The following CACNA2D4 variants were observed in gnomAD, a reference collection of about 807,000 sequenced individuals.
CACNA2D4 encodes the protein calcium voltage-gated channel auxiliary subunit alpha2delta 4, also known as voltage-dependent calcium channel subunit alpha-2/delta-4.
CACNA2D4 carries 157 observed loss-of-function variants against 163.8 expected under a neutral mutation model. The ratio of observed to expected loss-of-function variants is 0.96; its 90% confidence interval spans 0.84 to 1.09. The LOEUF is 1.09. Ranked by LOEUF, CACNA2D4 falls within the 50% of genes least tolerant of loss-of-function variation. The probability of loss-of-function intolerance (pLI) is 0.00; values close to 1 mark genes in which losing one functional copy is unlikely to be tolerated. For synonymous variants in CACNA2D4, 598 were observed against 586.9 expected (o/e 1.02, Z -0.27); for missense variants, 1,410 against 1,479.9 (o/e 0.95, Z 0.78).
At chr12:1,872,502 C>T (rs548478962) in intron 18 of CACNA2D4, among the ~76,000 whole-genome samples, 5 of 152,298 alleles carry the variant, frequency 3.3e-5, no homozygotes, top group African/African-American at 7.2e-5. Context: ...GACCTGGAGA[C>T]GGTTTCTACT....
chr12:1,893,907 G>A (rs1866343815), intron 6 of CACNA2D4, among the ~76,000 whole-genome samples: 1 of 151,878 alleles, frequency 6.6e-6, no homozygotes, highest in Non-Finnish European at 1.5e-5. Flanking sequence ...AAGAAATACT[G>A]GAACAGAAAC....
intron 26 of CACNA2D4, among the ~76,000 whole-genome samples, chr12:1,812,315 C>T (rs764821458): frequency 4.6e-5 from 7 of 152,190 alleles, no homozygotes; most frequent in Non-Finnish European, 8.8e-5. Flanking sequence ...CAGGAAACTA[C>T]AGGCACCACC....
chr12:1,810,762 G>A (rs1233517367), intron 27 of CACNA2D4, among the ~76,000 whole-genome samples, 175 bp from the exon 28 acceptor site: 3 of 152,060 alleles, frequency 2.0e-5, no homozygotes, highest in East Asian at 1.9e-4. Flanking sequence ...TGTGTGTGTC[G>A]TATGTGGAGA....
chr12:1,839,781 G>T (rs758166), intron 26 of CACNA2D4, among the ~76,000 whole-genome samples: 10,736 of 151,898 alleles, frequency 0.071, 888 homozygotes, highest in East Asian at 0.39. Flanking sequence ...GACGGAGCAG[G>T]TAAGGGAATG....
In CACNA2D4 at chr12:1,793,572, A is replaced by T; in HGVS notation, c.*83T>A. 2 of 1,237,390 alleles carry T rather than the reference A, an allele frequency of 1.6e-6. No individual in the cohort carries two copies. Among genetic ancestry groups the T allele is most frequent in the Non-Finnish European group, 1.2e-6 (1 of 842,436 alleles). 76.7% of individuals were successfully genotyped at this position (1,237,390 alleles called of 1,614,324 possible). On this transcript the variant is annotated 3_prime_UTR_variant, in exon 38 of 38. Transcript: ENST00000382722. ...GCCTGGGGGCGACCCAACTGCAGTT[A>T]GCTGCATCCCATGTCAGTGCTGACT...
At chr12:1,831,476 C>T in intron 26 of CACNA2D4, 1 of 1,613,990 alleles carries the variant, frequency 6.2e-7, no homozygotes, top group Non-Finnish European at 8.5e-7. Flanking sequence ...GGGAGTGTGA[C>T]TGTAACCTGC....
At chr12:1,854,095 G>A in intron 22 of CACNA2D4, 51 bp from the exon 23 acceptor site, 1 of 1,343,082 alleles carries the variant, frequency 7.4e-7, no homozygotes, top group Non-Finnish European at 1.0e-6. Flanking sequence ...CCATGCTCAT[G>A]AACACAACTC....
intron 6 of CACNA2D4, among the ~76,000 whole-genome samples, chr12:1,900,725 T>C (rs1592744691): frequency 6.6e-6 from 1 of 152,242 alleles, no homozygotes; most frequent in Non-Finnish European, 1.5e-5. Flanking sequence ...TAGAGCTAAA[T>C]AGAGAGATGG....
chr12:1,914,675 C>A (rs965988324), intron 2 of CACNA2D4, among the ~76,000 whole-genome samples, 179 bp downstream of exon 2: 3 of 152,210 alleles, frequency 2.0e-5, no homozygotes, highest in African/African-American at 7.2e-5. Flanking sequence ...CCGAACCACC[C>A]CCACTGCCCT....
chr12:1,811,779 A>T, intron 26 of CACNA2D4, 56 bp from the exon 27 acceptor site: 1 of 1,519,488 alleles, frequency 6.6e-7, no homozygotes, highest in Non-Finnish European at 8.9e-7. Flanking sequence ...AGAGAAAAAA[A>T]TAGAGTCAAG....
rs998782494 is a variant in CACNA2D4 at position 1,879,718 on chromosome 12, C to T, written c.1563+86G>A. The T allele has an allele frequency of 1.6e-5, 18 of 1,151,902 alleles. No individual in the cohort carries two copies. The Admixed American group carries it at 3.6e-4, about 23-fold the overall frequency. 71.4% of individuals were successfully genotyped at this position (1,151,902 alleles called of 1,614,324 possible). ...CTCCCAAGGTGGCTCAGAGGCACAGCCAAGTCAAGAATCACTGGTCTAAAG... is the reference window on the plus strand; with the variant it reads ...CTCCCAAGGTGGCTCAGAGGCACAGTCAAGTCAAGAATCACTGGTCTAAAG... On this transcript the variant is annotated intron_variant, in intron 14 of 37. Transcript: ENST00000382722.
chr12:1,795,857 A>G (rs1280259545), intron 35 of CACNA2D4, 77 bp from the exon 36 acceptor site: 2 of 953,176 alleles, frequency 2.1e-6, no homozygotes, highest in Admixed American at 3.4e-5. Context: ...ACTTCTGGAG[A>G]CTTTAGTGTG....
chr12:1,801,542 A>G (rs1488203231), intron 30 of CACNA2D4, 32 bp downstream of exon 30: 2 of 1,522,880 alleles, frequency 1.3e-6, no homozygotes, highest in Non-Finnish European at 1.8e-6. Flanking sequence ...TGCTGTGTCT[A>G]TTTGGACTGG....
At chr12:1,795,908 C>G (rs1863109274) in intron 35 of CACNA2D4, 128 bp from the exon 36 acceptor site, 2 of 693,412 alleles carry the variant, frequency 2.9e-6, no homozygotes, top group Admixed American at 2.2e-5. Context: ...TGAGGCAGGG[C>G]GGGTCGGGGC....
At chr12:1,894,046 A>G (rs1866346478) in intron 6 of CACNA2D4, among the ~76,000 whole-genome samples, 1 of 152,190 alleles carries the variant, frequency 6.6e-6, no homozygotes, top group Non-Finnish European at 1.5e-5. Context: ...AATGAACAAA[A>G]TCAGAAATGA....
intron 19 of CACNA2D4, among the ~76,000 whole-genome samples, chr12:1,859,593 T>C (rs1865478189): frequency 6.6e-6 from 1 of 152,250 alleles, no homozygotes; most frequent in African/African-American, 2.4e-5. Context: ...CTTAACTGGA[T>C]GATATCACTT....
At chr12:1,841,529 T>C (rs534090230) in intron 25 of CACNA2D4, among the ~76,000 whole-genome samples, 20 of 152,312 alleles carry the variant, frequency 1.3e-4, no homozygotes, top group Admixed American at 1.2e-3. Flanking sequence ...AAACAGAGCT[T>C]TCTGGTTCTG....
At chr12:1,909,538 C>T (rs1257749522) in intron 4 of CACNA2D4, among the ~76,000 whole-genome samples, 1 of 152,206 alleles carries the variant, frequency 6.6e-6, no homozygotes, top group African/African-American at 2.4e-5. Flanking sequence ...GACCAAAGGC[C>T]CTTTTCCAGG....
Position 1,802,043 on chromosome 12 carries a change from G to GTA in CACNA2D4, c.2722-400_2722-399insTA, listed in dbSNP as rs1190559020. Among the ~76,000 whole-genome samples the GTA allele has an allele frequency of 6.6e-6, 1 of 151,826 alleles. No individual in the cohort carries two copies. The highest frequency in any genetic ancestry group is 1.5e-5 in the Non-Finnish European group (1 of 67,956). On this transcript the variant is annotated intron_variant, in intron 29 of 37. Transcript: ENST00000382722. This position sits in a 1 kb window ranked among gnomAD's most constrained non-coding sequence, Gnocchi z 4.7. ...TGTGTGTGTGTGTGTGTGTGTGTGT[G>GTA]TGTGTGTGTGTGTGTGTTGGGTCAG...
Sources: gnomAD v4.1 joint callset for allele counts (sites outside exome capture counted in the v4.1 genomes callset) on GRCh38, gnomAD v4.1.1 for gene constraint, Gnocchi (gnomAD v3.1) non-coding constraint, MANE v1.5 for transcripts, NCBI Gene and HGNC (gene_info 2026-07-23, HGNC 2026-07-21) for gene names.